NEGR1: variants seen among roughly 807,000 people sequenced by gnomAD.
NEGR1 encodes the protein neuronal growth regulator 1.
NEGR1 carries 10 observed loss-of-function variants against 40.9 expected under a neutral mutation model. That is an observed-to-expected ratio of 0.24 (90% CI 0.15 to 0.42). The LOEUF (loss-of-function observed/expected upper bound fraction) is 0.42, where lower values mean the gene tolerates loss of function less well. NEGR1 is among the 10% of genes least tolerant of loss of function. NEGR1 has a pLI of 1.00. For synonymous variants in NEGR1, 185 were observed against 166.8 expected (o/e 1.11, Z -0.84); for missense variants, 352 against 438.9 (o/e 0.80, Z 1.77).
Position 71,400,091 on chromosome 1 carries a change from A to G in NEGR1, c.*7355T>C, listed in dbSNP as rs990788690. On this transcript the variant is annotated 3_prime_UTR_variant, in exon 7 of 7. Coordinates refer to ENST00000357731, the MANE Select transcript of NEGR1 (RefSeq NM_173808.3). ...TTTTGAATGTAAAAAGTCAAAATTGATGAAGAAACTGGCAAATTCAAATTT... is the reference window on the plus strand; with the variant it reads ...TTTTGAATGTAAAAAGTCAAAATTGGTGAAGAAACTGGCAAATTCAAATTT... 1 of 152,226 alleles carries G rather than the reference A, an allele frequency of 6.6e-6. No individual in the cohort carries two copies. Among genetic ancestry groups the G allele is most frequent in the Non-Finnish European group, 1.5e-5 (1 of 68,046 alleles). The allele number at this position is 152,226 out of a possible 1,614,324, so 9.4% of individuals were successfully genotyped here.
intron 1 of NEGR1, among the ~76,000 whole-genome samples, chr1:72,069,811 T>G (rs1647388166): frequency 6.6e-6 from 1 of 152,174 alleles, no homozygotes; most frequent in South Asian, 2.1e-4. Flanking sequence ...AGAATACCTG[T>G]GGCACACTAA....
intron 3 of NEGR1, among the ~76,000 whole-genome samples, chr1:71,709,431 C>G (rs1654008739): frequency 6.6e-6 from 1 of 152,062 alleles, no homozygotes; most frequent in Non-Finnish European, 1.5e-5. Flanking sequence ...TGTTTGTCGG[C>G]CACATGTATG....
intron 2 of NEGR1, among the ~76,000 whole-genome samples, chr1:71,817,810 C>T (rs1658281186): frequency 6.6e-6 from 1 of 152,028 alleles, no homozygotes; most frequent in Non-Finnish European, 1.5e-5. Flanking sequence ...GTGGCTATGG[C>T]TAAGCACTGC....
chr1:71,540,819 C>T (rs1328271736), intron 6 of NEGR1, among the ~76,000 whole-genome samples: 1 of 151,654 alleles, frequency 6.6e-6, no homozygotes, highest in African/African-American at 2.4e-5. Flanking sequence ...GCAGGCTATA[C>T]AGGAAGCGTG....
intron 2 of NEGR1, among the ~76,000 whole-genome samples, chr1:71,863,001 G>A (rs1659997314): frequency 6.6e-6 from 1 of 152,164 alleles, no homozygotes; most frequent in African/African-American, 2.4e-5. Flanking sequence ...CTGTTGGTGG[G>A]AATGTAAATT....
chr1:71,782,974 T>C (rs561462258), intron 2 of NEGR1, among the ~76,000 whole-genome samples: 14 of 151,962 alleles, frequency 9.2e-5, no homozygotes, highest in African/African-American at 3.4e-4. Context: ...GGTAGTCCCA[T>C]GTGAGTTGGT....
chr1:71,607,751 T>C (rs1330317075), intron 5 of NEGR1, among the ~76,000 whole-genome samples: 1 of 152,176 alleles, frequency 6.6e-6, no homozygotes, highest in Non-Finnish European at 1.5e-5. Flanking sequence ...TGGAGTGCAG[T>C]GGAGCAATCT....
intron 2 of NEGR1, among the ~76,000 whole-genome samples, chr1:71,917,665 G>A (rs1047178661): frequency 6.6e-6 from 1 of 151,214 alleles, no homozygotes; most frequent in Non-Finnish European, 1.5e-5. Context: ...GTAGTCGCCA[G>A]CTACTCGGAG....
rs542211456 is a variant in NEGR1, at chr1:72,053,774, A to C, written c.177-118463T>G. ...ACCCCTTTTTGCCCTTTAGAGACTT[A>C]CCTAATAGTACACTAGTTTCATGTT... On this transcript the variant is annotated intron_variant, in intron 1 of 6. Coordinates refer to ENST00000357731, the MANE Select transcript of NEGR1 (RefSeq NM_173808.3). Among the ~76,000 whole-genome samples, 5 of 151,286 alleles carry C rather than the reference A, an allele frequency of 3.3e-5. No individual in the cohort carries two copies. The East Asian group carries it at 9.7e-4, about 29-fold the overall frequency.
At chr1:71,407,682 G>T in intron 6 of NEGR1, 112 bp from the exon 7 acceptor site, 1 of 967,750 alleles carries the variant, frequency 1.0e-6, no homozygotes, top group Non-Finnish European at 1.6e-6. Flanking sequence ...ATTGGAGTCA[G>T]ACAGACTGAA....
intron 1 of NEGR1, among the ~76,000 whole-genome samples, chr1:71,948,429 T>C (rs1646039884): frequency 6.6e-6 from 1 of 151,898 alleles, no homozygotes; most frequent in Non-Finnish European, 1.5e-5. Flanking sequence ...GATCAACTCT[T>C]TGTTATTGTT....
intron 4 of NEGR1, among the ~76,000 whole-genome samples, chr1:71,671,893 C>CTCTTTTTT (rs1557607231): frequency 8.2e-6 from 1 of 121,582 alleles, no homozygotes; most frequent in Non-Finnish European, 1.7e-5. Context: ...CTCTCTCTCT[C>CTCTTTTTT]TTTTTTTTTT....
intron 6 of NEGR1, among the ~76,000 whole-genome samples, chr1:71,512,392 CTTTCTT>C (rs1337976792): frequency 6.6e-6 from 1 of 152,034 alleles, no homozygotes; most frequent in Non-Finnish European, 1.5e-5. Context: ...AATCTGTACT[CTTTCTT>C]GTTCTGTATT....
chr1:71,926,037 C>T (rs939837852), intron 2 of NEGR1, among the ~76,000 whole-genome samples: 15 of 152,040 alleles, frequency 9.9e-5, no homozygotes, highest in Admixed American at 7.2e-4. Flanking sequence ...CTAAGAATTA[C>T]TACCAAGAAC....
intron 1 of NEGR1, among the ~76,000 whole-genome samples, chr1:72,140,890 T>C (rs980711561): frequency 1.3e-4 from 19 of 151,874 alleles, no homozygotes; most frequent in African/African-American, 4.6e-4. Context: ...GGAATTTATA[T>C]TTAGATATGA....
chr1:71,786,837 C>G (rs1012157965), intron 2 of NEGR1, among the ~76,000 whole-genome samples: 7 of 152,204 alleles, frequency 4.6e-5, no homozygotes, highest in African/African-American at 1.7e-4. Context: ...TGCTATTTGA[C>G]TTCCAAACTG....
chr1:72,174,763 A>G (rs920364544), intron 1 of NEGR1, among the ~76,000 whole-genome samples: 1 of 152,062 alleles, frequency 6.6e-6, no homozygotes, highest in African/African-American at 2.4e-5. Context: ...AAATTAAAAA[A>G]AATTTAAAAA....
intron 4 of NEGR1, among the ~76,000 whole-genome samples, chr1:71,689,126 A>G (rs886282059): frequency 6.6e-6 from 1 of 152,180 alleles, no homozygotes; most frequent in Non-Finnish European, 1.5e-5. Context: ...ATTTTAAAGG[A>G]TGAAAAGTTT....
At chr1:71,799,186 C>A (rs1472125780) in intron 2 of NEGR1, among the ~76,000 whole-genome samples, 1 of 151,878 alleles carries the variant, frequency 6.6e-6, no homozygotes, top group Non-Finnish European at 1.5e-5. Flanking sequence ...TAATGCTATC[C>A]CTCCCCTAGC....
Sources: allele counts gnomAD v4.1 joint callset (sites outside exome capture counted in the v4.1 genomes callset), GRCh38; gene constraint gnomAD v4.1.1; transcripts MANE v1.5; gene names NCBI Gene and HGNC (gene_info 2026-07-23, HGNC 2026-07-21).